Variants in TSHZ1 observed in about 807,000 individuals in gnomAD.
The protein encoded by TSHZ1 is teashirt homolog 1.
In TSHZ1, 12 loss-of-function variants were observed where a neutral mutation model predicts 67.1. The ratio of observed to expected loss-of-function variants is 0.18; its 90% CI spans 0.11 to 0.29. The LOEUF (loss-of-function observed/expected upper bound fraction) is 0.29, where lower values mean the gene tolerates loss of function less well. Among genes scored for constraint, TSHZ1 ranks in the 10% least tolerant of loss-of-function variants. The probability of loss-of-function intolerance (pLI) is 1.00; values close to 1 mark genes in which losing one functional copy is unlikely to be tolerated. For missense variants in TSHZ1, 1,305 were observed against 1,413.9 expected, an observed-to-expected ratio of 0.92 and a Z score of 1.23; for synonymous variants, 632 against 622.4, an observed-to-expected ratio of 1.02 and a Z score of -0.23.
intron 1 of TSHZ1, among the ~76,000 whole-genome samples, chr18:75,225,232 C>G (rs56179956): frequency 0.029 from 4,469 of 152,222 alleles, 237 homozygotes; most frequent in African/African-American, 0.1. Flanking sequence ...AATGCTTCCT[C>G]GGTTCTGGGC....
intron 1 of TSHZ1, among the ~76,000 whole-genome samples, chr18:75,263,788 A>T (rs560143908): frequency 6.6e-6 from 1 of 152,342 alleles, no homozygotes; most frequent in East Asian, 1.9e-4. Context: ...AAACAAAATG[A>T]CCTTTTACTA....
chr18:75,265,179 A>G (rs2023475795), intron 1 of TSHZ1, among the ~76,000 whole-genome samples: 1 of 152,206 alleles, frequency 6.6e-6, no homozygotes, highest in African/African-American at 2.4e-5. Context: ...TTTAAAGCAA[A>G]AAAAGAAAAA....
intron 1 of TSHZ1, among the ~76,000 whole-genome samples, chr18:75,236,969 ATC>A (rs959723148): frequency 6.6e-6 from 1 of 152,142 alleles, no homozygotes; most frequent in Non-Finnish European, 1.5e-5. Context: ...AGTTTTTGTC[ATC>A]TGTTTCCCTA....
chr18:75,226,207 A>G (rs992549970), intron 1 of TSHZ1, among the ~76,000 whole-genome samples: 4 of 152,204 alleles, frequency 2.6e-5, no homozygotes, highest in African/African-American at 4.8e-5. Flanking sequence ...AAGTATTTGG[A>G]TGTAGCCGTT....
intron 1 of TSHZ1, among the ~76,000 whole-genome samples, chr18:75,274,685 T>TTATGTCTC (rs1292380093): frequency 6.6e-6 from 1 of 152,210 alleles, no homozygotes; most frequent in Non-Finnish European, 1.5e-5. Flanking sequence ...TTGTAAGTTG[T>TTATGTCTC]TATGTCTCTC....
chr18:75,251,278 A>G, intron 1 of TSHZ1, among the ~76,000 whole-genome samples: 1 of 152,186 alleles, frequency 6.6e-6, no homozygotes, highest in East Asian at 1.9e-4. Flanking sequence ...AAAAAGCATT[A>G]TTCAAGATCC....
rs771320123 is a variant in TSHZ1, at chr18:75,288,326, C to T, written c.2919C>T (p.Asn973=). The change falls in exon 2 of 2, where the codon AAC becomes AAT. Residue 973 remains asparagine (N), a synonymous_variant. Transcript: ENST00000580243. The surrounding 1 kb of genome is among the most constrained non-coding windows in gnomAD (Gnocchi z 4.9). Reference sequence around the variant, plus strand: ...CAGGGCATCCTGTTTTCTTTTGCAACGATTGTGCCTCTCAGTTCAGAACTG... The same window carrying T: ...CAGGGCATCCTGTTTTCTTTTGCAATGATTGTGCCTCTCAGTTCAGAACTG... The part of the protein sequence containing the change: ...LDTGHPVFFC[N]DCASQFRTAS... 5.0e-6 allele frequency: 8 copies of T among 1,614,216 alleles called. No individual in the cohort carries two copies. The Admixed American group carries it at 6.7e-5, about 13-fold the overall frequency.
rs535671099 is a variant in TSHZ1 at position 75,276,396 on chromosome 18, C to T, written c.41-9052C>T. ...TCAGAACGATGTTAGTAAATTAGTG[C>T]GTATATTGTATTTTTACCTTCTTTC... On this transcript the variant is annotated intron_variant, in intron 1 of 1. Coordinates refer to ENST00000580243, the MANE Select transcript of TSHZ1 (RefSeq NM_001308210.2). Among the ~76,000 whole-genome samples, 13 of 151,848 alleles carry T rather than the reference C, an allele frequency of 8.6e-5. 1 individual carries two copies. In the South Asian group the frequency reaches 1.5e-3, roughly 17 times the overall value.
chr18:75,242,551 G>T (rs1383886900), intron 1 of TSHZ1, among the ~76,000 whole-genome samples: 1 of 152,210 alleles, frequency 6.6e-6, no homozygotes, highest in Non-Finnish European at 1.5e-5. Context: ...ATGAAATTCG[G>T]CAGCTCATTA....
Position 75,288,007 on chromosome 18 carries a change from C to T in TSHZ1, c.2600C>T (p.Ala867Val), listed in dbSNP as rs1304777494. Residue 867 changes from alanine to valine, a missense_variant, in exon 2 of 2, where the codon GCT (alanine) becomes GTT (valine). Transcript: ENST00000580243. The surrounding 1 kb of genome is among the most constrained non-coding windows in gnomAD (Gnocchi z 4.9). ...TPSTVSEKSDADGSSFEEALD... is the reference protein window; with the variant it reads ...TPSTVSEKSDVDGSSFEEALD... Reference sequence around the variant, plus strand: ...TCCACAGTTTCAGAGAAGTCCGATGCTGATGGCAGCAGCTTTGAGGAGGCG... The same window carrying T: ...TCCACAGTTTCAGAGAAGTCCGATGTTGATGGCAGCAGCTTTGAGGAGGCG... The T allele has an allele frequency of 6.2e-7, 1 of 1,614,220 alleles. No individual in the cohort carries two copies. The highest frequency in any genetic ancestry group is 8.5e-7 in the Non-Finnish European group (1 of 1,180,050).
chr18:75,288,803 C>G lies in TSHZ1; in HGVS notation c.*162C>G, dbSNP rs187178246. The G allele has an allele frequency of 4.0e-4, 476 of 1,182,700 alleles. 2 individuals are homozygous for G. The East Asian group carries it at 9.8e-3, about 24-fold the overall frequency. 73.3% of individuals were successfully genotyped at this position (1,182,700 alleles called of 1,614,324 possible). On this transcript the variant is annotated 3_prime_UTR_variant, in exon 2 of 2. Transcript: ENST00000580243. The surrounding 1 kb of genome is among the most constrained non-coding windows in gnomAD (Gnocchi z 4.9). ...TTTGTATATTTATATGCTCTCTGTCCGATCTGTGCATGTTATTTTTCTTTT... is the reference window on the plus strand; with the variant it reads ...TTTGTATATTTATATGCTCTCTGTCGGATCTGTGCATGTTATTTTTCTTTT...
intron 1 of TSHZ1, among the ~76,000 whole-genome samples, chr18:75,262,208 C>A (rs918013579): frequency 2.0e-5 from 3 of 152,126 alleles, no homozygotes; most frequent in Non-Finnish European, 4.4e-5. Flanking sequence ...CAATAGGTTA[C>A]CAGAAGATTG....
intron 1 of TSHZ1, among the ~76,000 whole-genome samples, chr18:75,275,651 G>T (rs2023606518): frequency 6.6e-6 from 1 of 152,158 alleles, no homozygotes; most frequent in Non-Finnish European, 1.5e-5. Flanking sequence ...CCTGGTGTTG[G>T]CTAATATTGG....
At chr18:75,238,659 G>C (rs189892657) in intron 1 of TSHZ1, among the ~76,000 whole-genome samples, 145 of 151,992 alleles carry the variant, frequency 9.5e-4, no homozygotes, top group East Asian at 6.0e-3. Flanking sequence ...CTAGGATTTG[G>C]GGGGAGGGGA....
intron 1 of TSHZ1, among the ~76,000 whole-genome samples, chr18:75,228,621 C>T (rs952237993): frequency 4.6e-5 from 7 of 152,226 alleles, no homozygotes; most frequent in Non-Finnish European, 7.3e-5. Context: ...GCAATACAAG[C>T]AGTCTTGTTG....
At chr18:75,230,002 A>G (rs2022977306) in intron 1 of TSHZ1, among the ~76,000 whole-genome samples, 1 of 152,204 alleles carries the variant, frequency 6.6e-6, no homozygotes, top group Non-Finnish European at 1.5e-5. Context: ...TAGAGGACAA[A>G]TACCAAGACA....
intron 1 of TSHZ1, among the ~76,000 whole-genome samples, chr18:75,278,272 G>A (rs1445270151): frequency 2.1e-5 from 3 of 142,290 alleles, no homozygotes; most frequent in Non-Finnish European, 4.6e-5. Context: ...GTTGGAGGGG[G>A]GCTGGCTTCC....
At chr18:75,242,047 A>G (rs916953837) in intron 1 of TSHZ1, among the ~76,000 whole-genome samples, 5 of 151,382 alleles carry the variant, frequency 3.3e-5, no homozygotes, top group African/African-American at 1.2e-4. Flanking sequence ...TTTAGAGGAC[A>G]CTATTCAACC....
At chr18:75,215,841 G>A (rs1185349156) in intron 1 of TSHZ1, among the ~76,000 whole-genome samples, 3 of 152,178 alleles carry the variant, frequency 2.0e-5, no homozygotes, top group African/African-American at 7.2e-5. Flanking sequence ...CACGGGGAGG[G>A]GCCGTAGCAT....
Sources: allele counts gnomAD v4.1 joint callset (sites outside exome capture counted in the v4.1 genomes callset), GRCh38; gene constraint gnomAD v4.1.1; non-coding constraint Gnocchi (gnomAD v3.1); transcripts MANE v1.5; gene names NCBI Gene and HGNC (gene_info 2026-07-23, HGNC 2026-07-21).